The following DAG1 variants were observed in gnomAD, a reference collection of about 807,000 sequenced individuals.
The protein encoded by DAG1 is dystroglycan 1 (dystrophin-associated glycoprotein 1).
In DAG1, 8 loss-of-function variants were observed where a neutral mutation model predicts 46.1. The ratio of observed to expected loss-of-function variants is 0.17; its 90% CI spans 0.10 to 0.31. The LOEUF is 0.31. Ranked by LOEUF, DAG1 falls within the 10% of genes least tolerant of loss-of-function variation. DAG1 has a pLI of 1.00. For missense variants in DAG1, 1,003 were observed against 1,189.9 expected (o/e 0.84, Z 2.31); for synonymous variants, 495 against 481.8 (o/e 1.03, Z -0.36).
chr3:49,483,766 C>A (rs2049945765), intron 1 of DAG1, among the ~76,000 whole-genome samples: 1 of 152,184 alleles, frequency 6.6e-6, no homozygotes, highest in African/African-American at 2.4e-5. Context: ...TCTTGACCTC[C>A]TAGGGTCAAG....
chr3:49,515,744 T>C (rs1450040069), intron 2 of DAG1, among the ~76,000 whole-genome samples: 3 of 152,110 alleles, frequency 2.0e-5, no homozygotes, highest in African/African-American at 4.8e-5. Flanking sequence ...GGATGCTTGT[T>C]GAGGCGACCC....
intron 1 of DAG1, among the ~76,000 whole-genome samples, chr3:49,471,764 C>A (rs914544550): frequency 6.6e-6 from 1 of 152,198 alleles, no homozygotes; most frequent in East Asian, 1.9e-4. Flanking sequence ...TATTTTGATT[C>A]ACTACCTGCC....
chr3:49,511,669 A>G (rs1323927827), intron 2 of DAG1, among the ~76,000 whole-genome samples: 1 of 152,136 alleles, frequency 6.6e-6, no homozygotes, highest in Non-Finnish European at 1.5e-5. Flanking sequence ...ACATATCAGC[A>G]CACCTGGCTA....
At chr3:49,477,203 G>A (rs769915947) in intron 1 of DAG1, among the ~76,000 whole-genome samples, 70 of 152,096 alleles carry the variant, frequency 4.6e-4, no homozygotes, top group Middle Eastern at 3.4e-3. Context: ...CTCCATGTTG[G>A]TCGGGCTGGT....
chr3:49,470,280 TGCTCGCGCGAAGGCTGCGGCGCGGC>T lies in DAG1; in HGVS notation c.-261_-237del, dbSNP rs1225565046. 3 of 151,892 alleles carry T rather than the reference TGCTCGCGCGAAGGCTGCGGCGCGGC, an allele frequency of 2.0e-5. No homozygotes were observed. Among genetic ancestry groups the T allele is most frequent in the Non-Finnish European group, 2.9e-5 (2 of 67,982 alleles). 9.4% of individuals were successfully genotyped at this position (151,892 alleles called of 1,614,324 possible). A position where few individuals can be genotyped will look rare whatever the true frequency, so the allele number is the denominator to read the frequency against. ...CAGCGCCCTCTCACCGCCCGGTACGTGCTCGCGCGAAGGCTGCGGCGCGGCGCTCGCGCCTCTTAGGCTTGGCGGT... is the reference window on the plus strand; with the variant it reads ...CAGCGCCCTCTCACCGCCCGGTACGTGCTCGCGCCTCTTAGGCTTGGCGGT... On this transcript the variant is annotated 5_prime_UTR_variant, in exon 1 of 3. Transcript: ENST00000308775.
intron 2 of DAG1, among the ~76,000 whole-genome samples, chr3:49,516,931 T>C (rs1185512591): frequency 2.0e-5 from 3 of 151,854 alleles, no homozygotes; most frequent in African/African-American, 2.4e-5. Context: ...AAGTGACTTA[T>C]CTCGGAGCAC....
At position 49,533,522 on chromosome 3, in the gene DAG1, G is replaced by A; in HGVS notation, c.*323G>A. On this transcript the variant is annotated 3_prime_UTR_variant, in exon 3 of 3. Coordinates refer to ENST00000308775, the MANE Select transcript of DAG1 (RefSeq NM_004393.6). The stretch of plus-strand genomic sequence containing the variant: ...GGAGGTGGAGGGAGCGAGGAACCAT[G>A]AATGAACTCGCAGGCAGTGCCGGGC... 1.8e-6 allele frequency: 1 copy of A among 548,996 alleles called. No individual in the cohort carries two copies. Among genetic ancestry groups the A allele is most frequent in the Non-Finnish European group, 3.4e-6 (1 of 292,196 alleles). The allele number at this position is 548,996 out of a possible 1,614,324, so 34.0% of individuals were successfully genotyped here.
intron 1 of DAG1, chr3:49,492,938 T>C (rs776108853): frequency 6.6e-6 from 1 of 152,038 alleles, no homozygotes; most frequent in Non-Finnish European, 1.5e-5. Flanking sequence ...AGATGCTTTA[T>C]CTTCATTTCT....
At chr3:49,505,668 G>C (rs1391688294) in intron 1 of DAG1, among the ~76,000 whole-genome samples, 1 of 151,786 alleles carries the variant, frequency 6.6e-6, no homozygotes, top group African/African-American at 2.4e-5. Context: ...TTTCCAATCT[G>C]TATGCCAAAC....
At position 49,531,956 on chromosome 3, in the gene DAG1, C is replaced by T. The variant is rs753581815; in HGVS notation, c.1445C>T (p.Thr482Ile). 8.1e-6 allele frequency: 13 copies of T among 1,614,224 alleles called. No individual in the cohort carries two copies. The highest frequency in any genetic ancestry group is 1.1e-5 in the Non-Finnish European group (13 of 1,180,046). ...GCCTCACCGCCTACTCGTATTCGCA[C>T]CACCACCAGTGGAGTGCCCCGTGGC... ...ETASPPTRIR[T>I]TTSGVPRGGE... Residue 482 changes from threonine (T) to isoleucine (I), a missense_variant, in exon 3 of 3, where the codon ACC (threonine) becomes ATC (isoleucine). Transcript: ENST00000308775. The surrounding 1 kb of genome is among the most constrained non-coding windows in gnomAD (Gnocchi z 7.0).
At chr3:49,485,778 A>C (rs1048019848) in intron 1 of DAG1, among the ~76,000 whole-genome samples, 1 of 149,414 alleles carries the variant, frequency 6.7e-6, no homozygotes, top group Admixed American at 6.8e-5. Flanking sequence ...CTCCTGCCTC[A>C]GCCTTCTGCA....
chr3:49,532,603 C>T lies in DAG1; in HGVS notation c.2092C>T (p.Pro698Ser), dbSNP rs549565706. 2 of 1,612,972 alleles carry T rather than the reference C, an allele frequency of 1.2e-6. No homozygotes were observed. Among genetic ancestry groups the T allele is most frequent in the Non-Finnish European group, 1.7e-6 (2 of 1,179,080 alleles). The change falls in exon 3 of 3, where the codon CCT (proline) becomes TCT (serine). Residue 698 changes from proline (P) to serine (S), a missense_variant. Pro to Ser is a moderately conservative substitution (Grantham distance 74). This residue lies in a region of DAG1 where 755 missense variants were observed against 854.1 expected (regional missense o/e 0.88). Coordinates refer to ENST00000308775, the MANE Select transcript of DAG1 (RefSeq NM_004393.6). This position sits in a 1 kb window ranked among gnomAD's most constrained non-coding sequence, Gnocchi z 5.4. ...PRPAFSNALEPDFKATSITVT... is the reference protein window; with the variant it reads ...PRPAFSNALESDFKATSITVT... ...GCCTGCCTTCTCCAACGCCCTAGAG[C>T]CTGACTTTAAGGCCACAAGCATCAC...
upstream of DAG1, among the ~76,000 whole-genome samples, chr3:49,469,747 A>G (rs1326354477): frequency 1.3e-5 from 2 of 152,154 alleles, no homozygotes; most frequent in Non-Finnish European, 2.9e-5. Context: ...TTTGCAATTG[A>G]GAGAACGCTT....
chr3:49,532,057 G>A lies in DAG1; in HGVS notation c.1546G>A (p.Val516Met). The change falls in exon 3 of 3, where the codon GTG becomes ATG. Residue 516 changes from valine to methionine, a missense_variant. Coordinates refer to ENST00000308775, the MANE Select transcript of DAG1 (RefSeq NM_004393.6). The surrounding 1 kb of genome is among the most constrained non-coding windows in gnomAD (Gnocchi z 5.4). ...VDAWVGTYFE[V>M]KIPSDTFYDH... The stretch of plus-strand genomic sequence containing the variant: ...TGCCTGGGTTGGCACCTACTTTGAG[G>A]TGAAGATCCCGTCAGACACTTTCTA... 1 of 1,614,188 alleles carries A rather than the reference G, an allele frequency of 6.2e-7. No homozygotes were observed. The highest frequency in any genetic ancestry group is 8.5e-7 in the Non-Finnish European group (1 of 1,180,036).
intron 2 of DAG1, among the ~76,000 whole-genome samples, chr3:49,529,675 A>G (rs1372730147): frequency 6.6e-6 from 1 of 152,216 alleles, no homozygotes. Context: ...GGTACTTGTT[A>G]TAGGACAATG....
Position 49,531,314 on chromosome 3 carries a change from A to G in DAG1, c.803A>G (p.Gln268Arg), listed in dbSNP as rs1270684873. ...TGGAAGCTGGGCTGCTCCCTGAACC[A>G]GAACAGTGTGCCTGACATTCATGGT... is the stretch of plus-strand genomic sequence containing the variant. ...LSWKLGCSLN[Q>R]NSVPDIHGVE... Residue 268 changes from glutamine (Q) to arginine (R), a missense_variant, in exon 3 of 3, where the codon CAG (glutamine) becomes CGG (arginine). Physicochemically the swap from Gln to Arg is conservative, Grantham distance 43. Transcript: ENST00000308775. This position sits in a 1 kb window ranked among gnomAD's most constrained non-coding sequence, Gnocchi z 7.0. The G allele has an allele frequency of 6.2e-7, 1 of 1,614,080 alleles. No homozygotes were observed. Among genetic ancestry groups the G allele is most frequent in the East Asian group, 2.2e-5 (1 of 44,902 alleles).
At chr3:49,528,060 C>T (rs1396182715) in intron 2 of DAG1, among the ~76,000 whole-genome samples, 1 of 152,120 alleles carries the variant, frequency 6.6e-6, no homozygotes, top group African/African-American at 2.4e-5. Flanking sequence ...CTCTCCACCT[C>T]TCAGGACCCC....
intron 2 of DAG1, among the ~76,000 whole-genome samples, chr3:49,518,630 C>T (rs966314997): frequency 6.6e-6 from 1 of 152,234 alleles, no homozygotes; most frequent in Non-Finnish European, 1.5e-5. Flanking sequence ...CCACACCTGA[C>T]ACTCCTTCAT....
At chr3:49,511,687 T>A (rs1292835718) in intron 2 of DAG1, among the ~76,000 whole-genome samples, 1 of 152,192 alleles carries the variant, frequency 6.6e-6, no homozygotes, top group Non-Finnish European at 1.5e-5. Flanking sequence ...CTAATTTTTG[T>A]ACTTTTTGTA....
Sources: allele counts gnomAD v4.1 joint callset (sites outside exome capture counted in the v4.1 genomes callset), GRCh38; gene constraint gnomAD v4.1.1; regional missense constraint gnomAD v4.1.1; non-coding constraint Gnocchi (gnomAD v3.1); transcripts MANE v1.5; gene names NCBI Gene and HGNC (gene_info 2026-07-23, HGNC 2026-07-21).